ACOXL: variants seen among roughly 807,000 people sequenced by gnomAD.
ACOXL encodes acyl-CoA oxidase like, also known as acyl-coenzyme A oxidase-like protein.
In ACOXL, 70 loss-of-function variants were observed where a neutral mutation model predicts 71.9. That is an observed-to-expected ratio of 0.97 (90% CI 0.80 to 1.19). The LOEUF is 1.19. ACOXL is among the 50% of genes most tolerant of loss of function. The pLI, the probability that ACOXL is intolerant of heterozygous loss-of-function variation, is 0.00. For missense variants in ACOXL, 703 were observed against 736.3 expected, an observed-to-expected ratio of 0.95 and a Z score of 0.52; for synonymous variants, 253 against 281.6, an observed-to-expected ratio of 0.90 and a Z score of 1.02.
At chr2:111,022,918 C>T (rs1014973436) in intron 14 of ACOXL, among the ~76,000 whole-genome samples, 3 of 152,182 alleles carry the variant, frequency 2.0e-5, no homozygotes, top group Non-Finnish European at 4.4e-5. Flanking sequence ...CGACATTTCC[C>T]GTGACTCTGC....
At chr2:110,951,417 C>G (rs1456661722) in intron 12 of ACOXL, among the ~76,000 whole-genome samples, 2 of 152,148 alleles carry the variant, frequency 1.3e-5, no homozygotes, top group African/African-American at 4.8e-5. Context: ...TTCTTCCTTT[C>G]CAATCATTTA....
At chr2:110,817,176 C>T (rs1688019069) in intron 9 of ACOXL, among the ~76,000 whole-genome samples, 1 of 152,236 alleles carries the variant, frequency 6.6e-6, no homozygotes, top group Non-Finnish European at 1.5e-5. Flanking sequence ...AGAGAAGGAG[C>T]TGCCACGTGC....
chr2:111,046,376 C>T (rs554560163), intron 15 of ACOXL, among the ~76,000 whole-genome samples: 5 of 152,230 alleles, frequency 3.3e-5, no homozygotes, highest in African/African-American at 4.8e-5. Flanking sequence ...CCATGCTGGC[C>T]CTGGAGAAGG....
chr2:110,911,918 C>T (rs1034675183), intron 11 of ACOXL, among the ~76,000 whole-genome samples: 13 of 152,180 alleles, frequency 8.5e-5, no homozygotes, highest in African/African-American at 3.1e-4. Context: ...AAGAAGTAAG[C>T]TATCCCTATT....
At chr2:110,916,646 A>T (rs528938009) in intron 11 of ACOXL, among the ~76,000 whole-genome samples, 2 of 152,344 alleles carry the variant, frequency 1.3e-5, no homozygotes, top group East Asian at 3.9e-4. Context: ...AAATTAACAA[A>T]ATAGATAGAC....
chr2:111,094,729 T>C (rs2068714683), intron 17 of ACOXL, among the ~76,000 whole-genome samples: 1 of 152,204 alleles, frequency 6.6e-6, no homozygotes, highest in Admixed American at 6.5e-5. Flanking sequence ...CACAGCATCA[T>C]TTCTCATGAT....
chr2:111,019,669 A>G (rs371155405), intron 14 of ACOXL, among the ~76,000 whole-genome samples: 2 of 152,174 alleles, frequency 1.3e-5, no homozygotes, highest in South Asian at 2.1e-4. Flanking sequence ...TTCACCAGGC[A>G]TAGACTTTGT....
chr2:111,069,753 T>A (rs1298454345), intron 16 of ACOXL, among the ~76,000 whole-genome samples: 1 of 152,072 alleles, frequency 6.6e-6, no homozygotes, highest in Non-Finnish European at 1.5e-5. Flanking sequence ...GGCCATATGC[T>A]CCTCCATGAA....
At chr2:110,870,795 G>A (rs1289794497) in intron 10 of ACOXL, among the ~76,000 whole-genome samples, 4 of 152,134 alleles carry the variant, frequency 2.6e-5, no homozygotes, top group African/African-American at 9.7e-5. Flanking sequence ...TCCTGTCTCA[G>A]GGTGCAGGAT....
chr2:110,805,376 A>T lies in ACOXL; in HGVS notation c.734A>T (p.Gln245Leu). The T allele has an allele frequency of 6.2e-7, 1 of 1,614,230 alleles. No individual in the cohort carries two copies. Among genetic ancestry groups the T allele is most frequent in the East Asian group, 2.2e-5 (1 of 44,876 alleles). The change falls in exon 9 of 18, where the codon CAA becomes CTA. Residue 245 changes from glutamine to leucine, a missense_variant. Transcript: ENST00000439055. ...LTPSRLAVAF[Q>L]AMGAMKLGLT... ...CCTTCGAGATTAGCTGTGGCTTTCC[A>T]AGCTATGGGTGCCATGAAGGTAATT...
chr2:110,951,422 C>A (rs2086749), intron 12 of ACOXL, among the ~76,000 whole-genome samples: 8,736 of 152,238 alleles, frequency 0.057, 538 homozygotes, highest in East Asian at 0.19. Flanking sequence ...CCTTTCCAAT[C>A]ATTTACATTT....
chr2:111,077,239 T>C (rs2067650159), intron 16 of ACOXL, among the ~76,000 whole-genome samples: 1 of 152,222 alleles, frequency 6.6e-6, no homozygotes, highest in Non-Finnish European at 1.5e-5. Context: ...TTCTGTTTAG[T>C]AGTTGCTGTA....
At chr2:111,071,575 C>T (rs752231527) in intron 16 of ACOXL, among the ~76,000 whole-genome samples, 1 of 152,232 alleles carries the variant, frequency 6.6e-6, no homozygotes. Context: ...AGGCAGAAGG[C>T]AGAGCACTTC....
intron 10 of ACOXL, among the ~76,000 whole-genome samples, chr2:110,891,581 G>C (rs1697932095): frequency 6.6e-6 from 1 of 151,670 alleles, no homozygotes; most frequent in Non-Finnish European, 1.5e-5. Context: ...AGTGGATTGT[G>C]GCTCAAATAC....
chr2:110,757,516 A>G (rs1679852757), intron 1 of ACOXL, among the ~76,000 whole-genome samples: 1 of 152,144 alleles, frequency 6.6e-6, no homozygotes, highest in South Asian at 2.1e-4. Flanking sequence ...CACTTTTACC[A>G]ACAGTGTAAA....
At chr2:110,750,510 T>A in intron 1 of ACOXL, among the ~76,000 whole-genome samples, 1 of 151,378 alleles carries the variant, frequency 6.6e-6, no homozygotes, top group Non-Finnish European at 1.5e-5. Flanking sequence ...AGTTCTTACT[T>A]AAGAAAACAA....
intron 10 of ACOXL, among the ~76,000 whole-genome samples, chr2:110,889,490 C>T (rs923583973): frequency 6.6e-6 from 1 of 152,192 alleles, no homozygotes; most frequent in African/African-American, 2.4e-5. Flanking sequence ...TTAGTAGTCA[C>T]TCCCAATTAC....
chr2:111,080,393 T>A (rs1164187604), intron 16 of ACOXL, among the ~76,000 whole-genome samples: 1 of 152,224 alleles, frequency 6.6e-6, no homozygotes, highest in East Asian at 1.9e-4. Context: ...GCTTTAGCTG[T>A]GTCCCAGAGA....
At chr2:110,834,683 G>A (rs1690240402) in intron 9 of ACOXL, among the ~76,000 whole-genome samples, 1 of 152,226 alleles carries the variant, frequency 6.6e-6, no homozygotes, top group African/African-American at 2.4e-5. Context: ...TTGCTCGAGA[G>A]CTTCCTGCCT....
Sources: allele counts gnomAD v4.1 joint callset (sites outside exome capture counted in the v4.1 genomes callset), GRCh38; gene constraint gnomAD v4.1.1; transcripts MANE v1.5; gene names NCBI Gene and HGNC (gene_info 2026-07-23, HGNC 2026-07-21).